The following OSBPL1A variants were observed in gnomAD, a reference collection of about 807,000 sequenced individuals.
OSBPL1A encodes oxysterol binding protein like 1A.
OSBPL1A carries 80 observed loss-of-function variants against 137.1 expected under a neutral mutation model. The ratio of observed to expected loss-of-function variants is 0.58; its 90% CI spans 0.49 to 0.70. OSBPL1A has a LOEUF of 0.70. OSBPL1A is among the 30% of genes least tolerant of loss of function. The pLI is 0.00. For missense variants in OSBPL1A, 970 were observed against 1,129.4 expected (o/e 0.86, Z 2.02); for synonymous variants, 365 against 389.7 (o/e 0.94, Z 0.75).
At chr18:24,207,910 A>G (rs1264619911) in intron 17 of OSBPL1A, among the ~76,000 whole-genome samples, 1 of 152,114 alleles carries the variant, frequency 6.6e-6, no homozygotes, top group Non-Finnish European at 1.5e-5. Flanking sequence ...AACACTGGCT[A>G]CGTTTCGTAT....
At chr18:24,232,723 A>C (rs1229144476) in intron 16 of OSBPL1A, among the ~76,000 whole-genome samples, 3 of 152,240 alleles carry the variant, frequency 2.0e-5, no homozygotes. Context: ...TTAGAAAACA[A>C]AGTATTTTCA....
intron 14 of OSBPL1A, among the ~76,000 whole-genome samples, chr18:24,285,998 A>C (rs2090060438): frequency 2.6e-5 from 4 of 152,114 alleles, no homozygotes; most frequent in Admixed American, 2.6e-4. Flanking sequence ...CTCCACTACA[A>C]ATACAAAAAT....
At chr18:24,371,995 G>C (rs1360889223) in intron 2 of OSBPL1A, among the ~76,000 whole-genome samples, 2 of 152,140 alleles carry the variant, frequency 1.3e-5, no homozygotes, top group African/African-American at 4.8e-5. Context: ...TGGTACTTCA[G>C]CCGGGCATGG....
intron 9 of OSBPL1A, among the ~76,000 whole-genome samples, chr18:24,317,951 A>G (rs551885791): frequency 6.6e-6 from 1 of 152,312 alleles, no homozygotes; most frequent in South Asian, 2.1e-4. Flanking sequence ...TAAGTCTTCC[A>G]TGGTTTGATG....
chr18:24,276,311 C>G (rs534764789), intron 15 of OSBPL1A, among the ~76,000 whole-genome samples: 18 of 152,220 alleles, frequency 1.2e-4, no homozygotes, highest in Non-Finnish European at 1.9e-4. Context: ...CCAGCACTCA[C>G]ATTCTGTTAT....
chr18:24,390,694 CAAAAAAAAAA>C (rs751432894), intron 1 of OSBPL1A, among the ~76,000 whole-genome samples: 39 of 56,200 alleles, frequency 6.9e-4, no homozygotes, highest in African/African-American at 2.3e-3. Context: ...GACTCCGTCT[CAAAAAAAAAA>C]AAAAAAAAAA....
chr18:24,271,579 G>A lies in OSBPL1A; in HGVS notation c.1281+9263C>T. 1 of 987,198 alleles carries A rather than the reference G, an allele frequency of 1.0e-6. No individual in the cohort carries two copies. The highest frequency in any genetic ancestry group is 1.2e-6 in the Non-Finnish European group (1 of 831,428). The allele number at this position is 987,198 out of a possible 1,614,324, so 61.2% of individuals were successfully genotyped here. On this transcript the variant is annotated intron_variant, in intron 15 of 27. Transcript: ENST00000319481. The surrounding 1 kb of genome is among the most constrained non-coding windows in gnomAD (Gnocchi z 4.0). Reference sequence around the variant, plus strand: ...TCCCCCGGCGTCCTCCGTGGCCCCAGGCTGCCCCGCAAAGCCACCGAGCTG... The same window carrying A: ...TCCCCCGGCGTCCTCCGTGGCCCCAAGCTGCCCCGCAAAGCCACCGAGCTG...
At chr18:24,263,311 G>T (rs997163317) in intron 15 of OSBPL1A, among the ~76,000 whole-genome samples, 8 of 152,132 alleles carry the variant, frequency 5.3e-5, no homozygotes, top group Non-Finnish European at 1.0e-4. Flanking sequence ...TGCTAAGTAC[G>T]TGCTGTACTA....
intron 17 of OSBPL1A, among the ~76,000 whole-genome samples, chr18:24,202,263 T>C (rs978762013): frequency 6.6e-6 from 1 of 152,194 alleles, no homozygotes; most frequent in African/African-American, 2.4e-5. Flanking sequence ...ATTCTCCTTC[T>C]GCTGGCAGCT....
intron 4 of OSBPL1A, among the ~76,000 whole-genome samples, chr18:24,363,587 C>G (rs1000351095): frequency 6.6e-6 from 1 of 151,814 alleles, no homozygotes; most frequent in Non-Finnish European, 1.5e-5. Flanking sequence ...GCTGGGATTA[C>G]AGGAGTATGC....
At chr18:24,231,058 C>T (rs2088260215) in intron 16 of OSBPL1A, among the ~76,000 whole-genome samples, 2 of 152,054 alleles carry the variant, frequency 1.3e-5, no homozygotes. Context: ...TGAGACTGGG[C>T]AACAGAGCGA....
At chr18:24,354,748 CAAAAAAA>C (rs59694707) in intron 4 of OSBPL1A, among the ~76,000 whole-genome samples, 53 of 77,086 alleles carry the variant, frequency 6.9e-4, no homozygotes, top group South Asian at 2.6e-3. Context: ...CTCAATATAG[CAAAAAAA>C]AAAAAAAAAA....
intron 14 of OSBPL1A, among the ~76,000 whole-genome samples, chr18:24,299,457 G>C (rs1228772867): frequency 3.3e-5 from 5 of 152,046 alleles, no homozygotes; most frequent in Middle Eastern, 3.4e-3. Flanking sequence ...GAGTTTATTT[G>C]TCTGAAAATG....
chr18:24,365,836 C>A (rs1261738230), intron 4 of OSBPL1A, among the ~76,000 whole-genome samples: 1 of 152,204 alleles, frequency 6.6e-6, no homozygotes, highest in Non-Finnish European at 1.5e-5. Context: ...TCTCCTACTA[C>A]AGCAAGTAAC....
chr18:24,330,671 G>A (rs1459123116), intron 7 of OSBPL1A, among the ~76,000 whole-genome samples: 5 of 152,036 alleles, frequency 3.3e-5, no homozygotes, highest in Non-Finnish European at 7.4e-5. Flanking sequence ...TGATCCACCC[G>A]CCTCGGCCTC....
At position 24,164,420 on chromosome 18, in the gene OSBPL1A, G is replaced by GGTTTTTTTTTTTT. The variant is rs199563115; in HGVS notation, c.2750+644_2750+645insAAAAAAAAAAAAC. On this transcript the variant is annotated intron_variant, in intron 27 of 27. Coordinates refer to ENST00000319481, the MANE Select transcript of OSBPL1A (RefSeq NM_080597.4). ...ATGGAAAACAGTATGGAGATTTTTG[G>GGTTTTTTTTTTTT]TTTTTTTTTTTTTTTTTTTTTTTTT... Among the ~76,000 whole-genome samples the GGTTTTTTTTTTTT allele has an allele frequency of 5.2e-5, 5 of 95,970 alleles. 2 individuals are homozygous for GGTTTTTTTTTTTT. The highest frequency in any genetic ancestry group is 3.8e-5 in the Non-Finnish European group (2 of 52,490). 63.0% of individuals were successfully genotyped at this position (95,970 alleles called of 152,430 possible). A position where few individuals can be genotyped will look rare whatever the true frequency, so the allele number is the denominator to read the frequency against.
At chr18:24,218,162 A>C (rs111740079) in intron 17 of OSBPL1A, 1 of 152,212 alleles carries the variant, frequency 6.6e-6, no homozygotes, top group African/African-American at 2.4e-5. Flanking sequence ...GACAATCAAG[A>C]AAATGTGAAT....
intron 17 of OSBPL1A, among the ~76,000 whole-genome samples, chr18:24,209,279 G>C (rs1047459620): frequency 3.9e-5 from 6 of 152,118 alleles, no homozygotes; most frequent in Admixed American, 1.3e-4. Context: ...AAAACTCCCA[G>C]ACACGTCACA....
chr18:24,384,677 G>A (rs556398858), intron 1 of OSBPL1A, among the ~76,000 whole-genome samples: 126 of 151,604 alleles, frequency 8.3e-4, no homozygotes, highest in Middle Eastern at 3.4e-3. Flanking sequence ...CCGGACCAGC[G>A]TGGCCAACAT....
Sources: gnomAD v4.1 joint callset for allele counts (sites outside exome capture counted in the v4.1 genomes callset) on GRCh38, gnomAD v4.1.1 for gene constraint, Gnocchi (gnomAD v3.1) non-coding constraint, MANE v1.5 for transcripts, NCBI Gene and HGNC (gene_info 2026-07-23, HGNC 2026-07-21) for gene names.